The following STRADB variants were observed in gnomAD, a reference collection of about 807,000 sequenced individuals.
The protein encoded by STRADB is STE20 related adaptor beta.
A neutral mutation model predicts 52.1 loss-of-function variants in STRADB; 34 were observed. The observed-to-expected ratio is 0.65, with a 90% CI of 0.50 to 0.87. The LOEUF (loss-of-function observed/expected upper bound fraction) is 0.87. Ranked by LOEUF, STRADB falls within the 40% of genes least tolerant of loss-of-function variation. STRADB has a pLI of 0.00. For synonymous variants in STRADB, 133 were observed against 174.5 expected, an observed-to-expected ratio of 0.76 and a Z score of 1.87; for missense variants, 340 against 483.9, an observed-to-expected ratio of 0.70 and a Z score of 2.79.
At chr2:201,474,475 CATAAT>C in intron 5 of STRADB, 167 bp from the exon 6 acceptor site, 3 of 520,366 alleles carry the variant, frequency 5.8e-6, no homozygotes, top group South Asian at 5.4e-5. Context: ...AAATGGGAAT[CATAAT>C]ATCACATACT....
intron 6 of STRADB, among the ~76,000 whole-genome samples, 192 bp from the exon 7 acceptor site, chr2:201,475,427 T>C (rs933643037): frequency 6.6e-6 from 1 of 152,172 alleles, no homozygotes; most frequent in African/African-American, 2.4e-5. Flanking sequence ...CCCTAATCTC[T>C]AAAGTGTCAT....
intron 3 of STRADB, among the ~76,000 whole-genome samples, chr2:201,462,444 T>C (rs1292245838): frequency 2.0e-5 from 3 of 152,202 alleles, no homozygotes; most frequent in African/African-American, 7.2e-5. Flanking sequence ...CTTTTGTTAT[T>C]TGTTTTGTAT....
At chr2:201,475,586 T>A (rs1422510447) in intron 6 of STRADB, 33 bp from the exon 7 acceptor site, 1 of 1,611,188 alleles carries the variant, frequency 6.2e-7, no homozygotes. Flanking sequence ...TCACTTTCAA[T>A]GTTCATCTAA....
At chr2:201,475,265 T>C (rs1952453852) in intron 6 of STRADB, among the ~76,000 whole-genome samples, 1 of 152,184 alleles carries the variant, frequency 6.6e-6, no homozygotes, top group Non-Finnish European at 1.5e-5. Flanking sequence ...TGTTCAATAA[T>C]TGTGTTGAAT....
intron 3 of STRADB, among the ~76,000 whole-genome samples, chr2:201,464,074 G>A (rs993569679): frequency 6.6e-6 from 1 of 151,928 alleles, no homozygotes; most frequent in South Asian, 2.1e-4. Flanking sequence ...CTTCGGGATT[G>A]GTCACTGGTA....
At chr2:201,461,252 A>G (rs978254098) in intron 3 of STRADB, among the ~76,000 whole-genome samples, 1 of 152,126 alleles carries the variant, frequency 6.6e-6, no homozygotes, top group Non-Finnish European at 1.5e-5. Context: ...GCAGTGGTGT[A>G]ATCATAGCTC....
At chr2:201,464,054 A>G (rs1952259175) in intron 3 of STRADB, among the ~76,000 whole-genome samples, 1 of 152,106 alleles carries the variant, frequency 6.6e-6, no homozygotes, top group Non-Finnish European at 1.5e-5. Flanking sequence ...AAGGTCACGT[A>G]TCTCTGTCAC....
intron 5 of STRADB, 76 bp downstream of exon 5, chr2:201,473,152 G>A (rs965963234): frequency 8.5e-6 from 11 of 1,296,382 alleles, no homozygotes; most frequent in Non-Finnish European, 1.1e-5. Context: ...TCAACCAATT[G>A]TGAATAGAAA....
intron 2 of STRADB, chr2:201,457,385 A>G (rs1405758826): frequency 6.6e-6 from 1 of 152,224 alleles, no homozygotes; most frequent in Non-Finnish European, 1.5e-5. Context: ...CTAGGAAGCC[A>G]TTAGAAACTC....
chr2:201,476,266 C>T (rs372795092), intron 7 of STRADB, among the ~76,000 whole-genome samples: 16 of 152,124 alleles, frequency 1.1e-4, no homozygotes, highest in African/African-American at 3.6e-4. Context: ...CTAAGATATA[C>T]TGTGACTTTG....
chr2:201,454,290 C>G (rs772184524), intron 1 of STRADB, among the ~76,000 whole-genome samples: 1 of 152,152 alleles, frequency 6.6e-6, no homozygotes, highest in Non-Finnish European at 1.5e-5. Flanking sequence ...TAAGAAAGGG[C>G]TTTGGAAAGT....
intron 3 of STRADB, among the ~76,000 whole-genome samples, chr2:201,462,216 T>A (rs2125674662): frequency 6.6e-6 from 1 of 152,356 alleles, no homozygotes; most frequent in South Asian, 2.1e-4. Context: ...TATATGTGTA[T>A]ATCGATTCCT....
At chr2:201,469,879 A>G (rs573095575) in intron 3 of STRADB, 74 bp from the exon 4 acceptor site, 1 of 1,074,176 alleles carries the variant, frequency 9.3e-7, no homozygotes, top group African/African-American at 1.6e-5. Context: ...AAAATATAAC[A>G]CCAGTGTTTT....
chr2:201,456,642 T>C (rs987011582), intron 2 of STRADB, among the ~76,000 whole-genome samples: 1 of 152,198 alleles, frequency 6.6e-6, no homozygotes, highest in African/African-American at 2.4e-5. Context: ...TAAGGATTCC[T>C]CCCCATTCAA....
At chr2:201,458,943 C>T (rs776993754) in intron 3 of STRADB, 79 bp downstream of exon 3, 33 of 1,319,662 alleles carry the variant, frequency 2.5e-5, no homozygotes, top group Admixed American at 2.4e-4. Flanking sequence ...AGGAGAATCA[C>T]TTGAGCCTAG....
At position 201,455,703 on chromosome 2, in the gene STRADB, C is replaced by CA. The variant is rs746723266; in HGVS notation, c.12+863dup. Among the ~76,000 whole-genome samples, 524 of 132,356 alleles carry CA rather than the reference C, an allele frequency of 4.0e-3. 3 individuals carry two copies. The highest frequency in any genetic ancestry group is 0.03 in the Middle Eastern group (8 of 268). 86.8% of individuals were successfully genotyped at this position (132,356 alleles called of 152,430 possible). A position where few individuals can be genotyped will look rare whatever the true frequency, so the allele number is the denominator to read the frequency against. On this transcript the variant is annotated intron_variant, in intron 2 of 11. Transcript: ENST00000194530. ...TGGGTGATAGAGGGAGATCCTGTCTCAAAAAAAAAAAAGGATGAGTATATT... is the reference window on the plus strand; with the variant it reads ...TGGGTGATAGAGGGAGATCCTGTCTCAAAAAAAAAAAAAGGATGAGTATATT...
intron 3 of STRADB, among the ~76,000 whole-genome samples, chr2:201,469,602 T>C (rs900357487): frequency 1.3e-5 from 2 of 152,224 alleles, no homozygotes; most frequent in Admixed American, 6.5e-5. Context: ...AAGCATAGAA[T>C]ATCCCTCACA....
At chr2:201,476,216 G>A (rs955109249) in intron 7 of STRADB, among the ~76,000 whole-genome samples, 3 of 152,174 alleles carry the variant, frequency 2.0e-5, no homozygotes, top group Non-Finnish European at 4.4e-5. Context: ...TTACCAAAGT[G>A]TATATGCAAA....
intron 2 of STRADB, among the ~76,000 whole-genome samples, chr2:201,455,434 CCA>C (rs67852251): frequency 0.55 from 83,319 of 151,274 alleles, 23,940 homozygotes; most frequent in Non-Finnish European, 0.65. Context: ...AATGAGTAGA[CCA>C]CGTGTAGTGG....
Sources: allele counts gnomAD v4.1 joint callset (sites outside exome capture counted in the v4.1 genomes callset), GRCh38; gene constraint gnomAD v4.1.1; transcripts MANE v1.5; gene names NCBI Gene and HGNC (gene_info 2026-07-23, HGNC 2026-07-21).